TPTE2: variants seen among roughly 807,000 people sequenced by gnomAD.
The protein encoded by TPTE2 is transmembrane phosphoinositide 3-phosphatase and tensin homolog 2, also known as phosphatidylinositol 3,4,5-trisphosphate 3-phosphatase TPTE2.
In TPTE2, 53 loss-of-function variants were observed where a neutral mutation model predicts 78.6. The ratio of observed to expected loss-of-function variants is 0.67; its 90% confidence interval spans 0.54 to 0.85. The LOEUF (loss-of-function observed/expected upper bound fraction) is 0.85. Among genes scored for constraint, TPTE2 ranks in the 40% least tolerant of loss-of-function variants. The pLI is 0.00. For missense variants in TPTE2, 461 were observed against 623.0 expected (o/e 0.74, Z 2.77); for synonymous variants, 175 against 206.2 (o/e 0.85, Z 1.30).
At chr13:19,493,626 C>G (rs754881018) in intron 1 of TPTE2, 125 bp from the exon 5 acceptor site, 8 of 840,388 alleles carry the variant, frequency 9.5e-6, no homozygotes, top group Non-Finnish European at 8.2e-6. Flanking sequence ...GTATACAGCA[C>G]TATTGGAACC....
At chr13:19,552,343 CT>C in the TPTE2 span, among the ~76,000 whole-genome samples, 1 of 152,062 alleles carries the variant, frequency 6.6e-6, no homozygotes, top group African/African-American at 2.4e-5. Flanking sequence ...ATTCATGATG[CT>C]TTTTTGCCAT....
At position 19,461,119 on chromosome 13, in the gene TPTE2, A is replaced by G. The variant is rs184313490; in HGVS notation, c.741+3337T>C. Among the ~76,000 whole-genome samples the G allele has an allele frequency of 6.8e-3, 1,037 of 152,202 alleles. 1 individual carries two copies. The highest frequency in any genetic ancestry group is 9.6e-3 in the Admixed American group (147 of 15,278). ...TATATAATTTTGAGCCTGGGCCTGAAGAGGATTTGCATTGTTTTGTTGCCG... is the reference window on the plus strand; with the variant it reads ...TATATAATTTTGAGCCTGGGCCTGAGGAGGATTTGCATTGTTTTGTTGCCG... On this transcript the variant is annotated intron_variant, in intron 10 of 19. Transcript: ENST00000400230.
intron 1 of TPTE2, among the ~76,000 whole-genome samples, chr13:19,497,076 A>C (rs1329689767): frequency 6.6e-6 from 1 of 152,102 alleles, no homozygotes; most frequent in Admixed American, 6.5e-5. Flanking sequence ...CCACCCGAAT[A>C]TTGCGCTTTT....
At chr13:19,429,121 CAT>C (rs1429605437) in intron 17 of TPTE2, among the ~76,000 whole-genome samples, 1 of 152,150 alleles carries the variant, frequency 6.6e-6, no homozygotes, top group African/African-American at 2.4e-5. Flanking sequence ...TGGCTCTGAC[CAT>C]GGGCACACAG....
At position 19,428,974 on chromosome 13, in the gene TPTE2, T is replaced by C. The variant is rs147001386; in HGVS notation, c.1302+1494A>G. The stretch of plus-strand genomic sequence containing the variant: ...TTTCCTATGTGACAAAGAGGCCTGA[T>C]AATTATCACATATAACACTTATTTA... On this transcript the variant is annotated intron_variant, in intron 17 of 19. Transcript: ENST00000400230. Among the ~76,000 whole-genome samples the C allele has an allele frequency of 3.3e-5, 5 of 152,382 alleles. No individual in the cohort carries two copies. The East Asian group carries it at 9.6e-4, about 29-fold the overall frequency.
chr13:19,450,131 C>T lies in TPTE2; in HGVS notation c.918G>A (p.Glu306=), dbSNP rs1363398223. Reference sequence around the variant, plus strand: ...TGTTTTCAAGATCTTGAGCCATCCACTCATTTACTTCCTTGGTGAAAACCA... The same window carrying T: ...TGTTTTCAAGATCTTGAGCCATCCATTCATTTACTTCCTTGGTGAAAACCA... Residue 306 remains glutamate (E), a synonymous_variant, in exon 13 of 20, where the codon GAG becomes GAA. Transcript: ENST00000400230. 5 of 1,611,230 alleles carry T rather than the reference C, an allele frequency of 3.1e-6. No individual in the cohort carries two copies. In the Admixed American group the frequency reaches 8.3e-5, roughly 27 times the overall value.
At chr13:19,506,401 C>T (rs1243462903), upstream of TPTE2, among the ~76,000 whole-genome samples, 1 of 151,598 alleles carries the variant, frequency 6.6e-6, no homozygotes, top group Non-Finnish European at 1.5e-5. Flanking sequence ...TCTCGATCTC[C>T]TGACCTCGTG....
At chr13:19,540,630 T>C (rs1871414063), upstream of TPTE2, among the ~76,000 whole-genome samples, 1 of 152,122 alleles carries the variant, frequency 6.6e-6, no homozygotes, top group South Asian at 2.1e-4. Flanking sequence ...TTTTTATTAC[T>C]AATCTGTGTT....
intron 6 of TPTE2, among the ~76,000 whole-genome samples, chr13:19,470,887 T>TTTTATTTTA (rs1555251967): frequency 3.6e-5 from 5 of 139,634 alleles, no homozygotes; most frequent in South Asian, 2.4e-4. Context: ...GATCTTTTTA[T>TTTTATTTTA]TTTATTTATT....
At chr13:19,491,648 A>T (rs1039782739) in intron 3 of TPTE2, among the ~76,000 whole-genome samples, 2 of 151,664 alleles carry the variant, frequency 1.3e-5, no homozygotes, top group African/African-American at 4.8e-5. Context: ...ATATAGTGAA[A>T]CCCCGCCCCT....
At chr13:19,558,930 A>C in the TPTE2 span, among the ~76,000 whole-genome samples, 1 of 152,248 alleles carries the variant, frequency 6.6e-6, no homozygotes, top group Admixed American at 6.5e-5. Flanking sequence ...TATAGACCTC[A>C]CTGTACTTCT....
the TPTE2 span, among the ~76,000 whole-genome samples, chr13:19,542,537 C>T: frequency 3.3e-5 from 5 of 152,164 alleles, no homozygotes; most frequent in African/African-American, 1.2e-4. Context: ...TTAAGATTTA[C>T]TCTGACTTAT....
At chr13:19,502,623 G>T (rs1868677410) in intron 1 of TPTE2, among the ~76,000 whole-genome samples, 1 of 137,578 alleles carries the variant, frequency 7.3e-6, no homozygotes, top group African/African-American at 2.7e-5. Flanking sequence ...ACAGGAAGGG[G>T]AATATCACAC....
the TPTE2 span, among the ~76,000 whole-genome samples, chr13:19,556,690 T>C: frequency 5.9e-5 from 9 of 152,106 alleles, no homozygotes; most frequent in African/African-American, 2.4e-5. Context: ...CATGCCTGGA[T>C]AATTTTTTTC....
At chr13:19,431,456 C>T (rs1268065161) in intron 16 of TPTE2, among the ~76,000 whole-genome samples, 2 of 151,958 alleles carry the variant, frequency 1.3e-5, no homozygotes, top group Non-Finnish European at 2.9e-5. Context: ...TTTTTTATTG[C>T]TTTCCTCTCA....
intron 3 of TPTE2, among the ~76,000 whole-genome samples, chr13:19,487,402 T>C (rs1345419593): frequency 1.3e-5 from 2 of 152,058 alleles, no homozygotes; most frequent in Non-Finnish European, 2.9e-5. Flanking sequence ...GGATGGGGCC[T>C]GCAAGGCTGT....
At chr13:19,437,626 A>C (rs973225719) in intron 14 of TPTE2, among the ~76,000 whole-genome samples, 6 of 152,166 alleles carry the variant, frequency 3.9e-5, no homozygotes, top group African/African-American at 9.7e-5. Context: ...TGGTACTGGC[A>C]GGAATAAGAG....
chr13:19,481,689 T>C (rs550760325), intron 4 of TPTE2, among the ~76,000 whole-genome samples: 69 of 152,230 alleles, frequency 4.5e-4, no homozygotes, highest in Non-Finnish European at 8.1e-4. Flanking sequence ...AGAAAACGTA[T>C]AGCTAATTTG....
At position 19,432,719 on chromosome 13, in the gene TPTE2, G is replaced by A. The variant is rs1876761657; in HGVS notation, c.1117-141C>T. The A allele has an allele frequency of 4.4e-6, 2 of 456,970 alleles. 1 individual carries two copies. Among genetic ancestry groups the A allele is most frequent in the South Asian group, 5.3e-5 (2 of 37,972 alleles). The allele number at this position is 456,970 out of a possible 1,614,324, so 28.3% of individuals were successfully genotyped here. ...ATTTACTGGATGCCATTATATAACTGGACATTTTTAGGGATGCTGCCCCAC... is the reference window on the plus strand; with the variant it reads ...ATTTACTGGATGCCATTATATAACTAGACATTTTTAGGGATGCTGCCCCAC... On this transcript the variant is annotated intron_variant, in intron 15 of 19. Coordinates refer to ENST00000400230, the Ensembl canonical transcript of TPTE2.
Sources: allele counts gnomAD v4.1 joint callset (sites outside exome capture counted in the v4.1 genomes callset), GRCh38; gene constraint gnomAD v4.1.1; transcripts MANE v1.5; gene names NCBI Gene and HGNC (gene_info 2026-07-23, HGNC 2026-07-21).